ATXN1: variants seen among roughly 807,000 people sequenced by gnomAD.
ATXN1 encodes ataxin 1.
A neutral mutation model predicts 56.4 loss-of-function variants in ATXN1; 8 were observed. That is an observed-to-expected ratio of 0.14 (90% CI 0.08 to 0.26). ATXN1 has a LOEUF of 0.26. ATXN1 is among the 10% of genes least tolerant of loss of function. The pLI, the probability that ATXN1 is intolerant of heterozygous loss-of-function variation, is 1.00. For synonymous variants in ATXN1, 514 were observed against 494.6 expected, an observed-to-expected ratio of 1.04 and a Z score of -0.52; for missense variants, 987 against 1,106.5, an observed-to-expected ratio of 0.89 and a Z score of 1.53.
At chr6:16,589,943 G>C (rs1458618942) in intron 3 of ATXN1, among the ~76,000 whole-genome samples, 10 of 152,168 alleles carry the variant, frequency 6.6e-5, no homozygotes, top group Admixed American at 5.2e-4. Flanking sequence ...ATGTGTGAAG[G>C]AAGCAAAGCA....
intron 6 of ATXN1, chr6:16,485,732 C>T (rs1288634830): frequency 6.6e-6 from 1 of 152,114 alleles, no homozygotes; most frequent in Non-Finnish European, 1.5e-5. Context: ...CCTTTTATTC[C>T]TGAAGTAGAT....
chr6:16,663,403 A>G (rs766870720), intron 2 of ATXN1, among the ~76,000 whole-genome samples: 27 of 152,214 alleles, frequency 1.8e-4, no homozygotes, highest in South Asian at 1.2e-3. Context: ...TTTGAATTAT[A>G]TAAAATACAG....
intron 3 of ATXN1, among the ~76,000 whole-genome samples, chr6:16,654,600 G>A (rs1475362788): frequency 1.3e-5 from 2 of 150,934 alleles, no homozygotes; most frequent in East Asian, 3.9e-4. Context: ...GTGAAGTCCT[G>A]AGGATTCAGG....
chr6:16,505,729 T>C (rs1400130628), intron 5 of ATXN1, among the ~76,000 whole-genome samples: 2 of 152,144 alleles, frequency 1.3e-5, no homozygotes, highest in Non-Finnish European at 2.9e-5. Context: ...CCGATAACAA[T>C]AGCACTCTCA....
intron 6 of ATXN1, among the ~76,000 whole-genome samples, chr6:16,481,163 G>C (rs1760431759): frequency 6.6e-6 from 1 of 152,198 alleles, no homozygotes; most frequent in South Asian, 2.1e-4. Context: ...ACAATCTGTA[G>C]GTCAATCTGC....
intron 6 of ATXN1, among the ~76,000 whole-genome samples, chr6:16,419,788 G>A (rs13214787): frequency 6.6e-6 from 1 of 152,316 alleles, no homozygotes; most frequent in East Asian, 1.9e-4. Context: ...GGAGGGGACA[G>A]AGCTGGCCAC....
intron 3 of ATXN1, among the ~76,000 whole-genome samples, chr6:16,605,068 A>G (rs1283462561): frequency 2.0e-5 from 3 of 152,244 alleles, no homozygotes; most frequent in African/African-American, 4.8e-5. Flanking sequence ...GGAACAATAA[A>G]AAGTGTTGCA....
chr6:16,364,123 T>C (rs1041658044), intron 6 of ATXN1, among the ~76,000 whole-genome samples: 3 of 152,178 alleles, frequency 2.0e-5, no homozygotes. Flanking sequence ...CCCTGAATGA[T>C]GCCTTAAGGA....
chr6:16,422,968 T>C (rs527458430), intron 6 of ATXN1, among the ~76,000 whole-genome samples: 3 of 152,348 alleles, frequency 2.0e-5, no homozygotes, highest in African/African-American at 7.2e-5. Context: ...AAAAATAGAA[T>C]TGTCATATCT....
At chr6:16,446,308 T>G (rs1477666463) in intron 6 of ATXN1, among the ~76,000 whole-genome samples, 1 of 152,256 alleles carries the variant, frequency 6.6e-6, no homozygotes, top group Admixed American at 6.5e-5. Flanking sequence ...GTCTTTTGGC[T>G]GCATAAATGT....
intron 2 of ATXN1, among the ~76,000 whole-genome samples, chr6:16,694,574 T>C (rs997671659): frequency 6.6e-6 from 1 of 152,256 alleles, no homozygotes; most frequent in Non-Finnish European, 1.5e-5. Flanking sequence ...CACAGTTATT[T>C]ACTTTGTTTA....
chr6:16,617,437 T>C (rs988966637), intron 3 of ATXN1, among the ~76,000 whole-genome samples: 5 of 151,712 alleles, frequency 3.3e-5, no homozygotes, highest in Non-Finnish European at 7.4e-5. Context: ...AAAAAATATA[T>C]GAAAGAATCT....
Position 16,307,882 on chromosome 6 carries a change from G to A in ATXN1, c.1918-1023C>T, listed in dbSNP as rs139581375. 9.1e-4 allele frequency among the ~76,000 whole-genome samples: 138 copies of A among 151,420 alleles called. 2 individuals carry two copies. The East Asian group carries it at 0.025, about 27-fold the overall frequency. On this transcript the variant is annotated intron_variant, in intron 7 of 7. Transcript: ENST00000436367. ...ATAAGATAGTAAAAAGGCCAGGCGC[G>A]GTGGCTCATGCCTGTAATCCCAGCA...
At chr6:16,754,872 G>C (rs1305244707) in intron 1 of ATXN1, 2 of 152,104 alleles carry the variant, frequency 1.3e-5, no homozygotes, top group Non-Finnish European at 2.9e-5. Context: ...AAGTTAAGTA[G>C]AAGTTGACAA....
rs187536886 is a variant in ATXN1, at chr6:16,417,731, C to T, written c.-161+68241G>A. 4.6e-4 allele frequency among the ~76,000 whole-genome samples: 70 copies of T among 152,258 alleles called. 2 individuals carry two copies. The East Asian group carries it at 0.012, about 26-fold the overall frequency. ...GGGACTATAGGCGTGAGCCACCACA[C>T]GTGGCCACAACTTTTTTTTTAATGG... is the stretch of plus-strand genomic sequence containing the variant. On this transcript the variant is annotated intron_variant, in intron 6 of 7. Coordinates refer to ENST00000436367, the MANE Select transcript of ATXN1 (RefSeq NM_001128164.2).
intron 6 of ATXN1, among the ~76,000 whole-genome samples, chr6:16,335,000 C>G (rs1416779324): frequency 6.6e-6 from 1 of 152,190 alleles, no homozygotes; most frequent in East Asian, 1.9e-4. Context: ...AGTCAGGGAT[C>G]TCTGGGTCAC....
At chr6:16,465,973 T>C (rs75863848) in intron 6 of ATXN1, among the ~76,000 whole-genome samples, 4,061 of 152,200 alleles carry the variant, frequency 0.027, 98 homozygotes, top group African/African-American at 0.065. Flanking sequence ...AGAAAAGTCA[T>C]AGCGAACTGT....
intron 1 of ATXN1, among the ~76,000 whole-genome samples, chr6:16,758,443 G>C (rs1490458815): frequency 1.3e-5 from 2 of 152,234 alleles, no homozygotes; most frequent in Admixed American, 6.5e-5. Flanking sequence ...ACTGTCTGGG[G>C]AGATGCATTT....
intron 6 of ATXN1, among the ~76,000 whole-genome samples, chr6:16,391,246 A>T (rs1758350000): frequency 6.6e-6 from 1 of 150,738 alleles, no homozygotes. Flanking sequence ...ATATTTATAG[A>T]TTACTATTTT....
Sources: allele counts gnomAD v4.1 joint callset (sites outside exome capture counted in the v4.1 genomes callset), GRCh38; gene constraint gnomAD v4.1.1; transcripts MANE v1.5; gene names NCBI Gene and HGNC (gene_info 2026-07-23, HGNC 2026-07-21).